CHN2: variants seen among roughly 807,000 people sequenced by gnomAD.
CHN2 encodes beta-chimaerin.
In CHN2, 35 loss-of-function variants were observed where a neutral mutation model predicts 56.3. The ratio of observed to expected loss-of-function variants is 0.62; its 90% CI spans 0.47 to 0.82. The LOEUF is 0.82. CHN2 is among the 40% of genes least tolerant of loss of function. The probability of loss-of-function intolerance (pLI) is 0.00; values close to 1 mark genes in which losing one functional copy is unlikely to be tolerated. For synonymous variants in CHN2, 210 were observed against 212.8 expected, an observed-to-expected ratio of 0.99 and a Z score of 0.12; for missense variants, 491 against 580.5, an observed-to-expected ratio of 0.85 and a Z score of 1.58.
At chr7:29,204,053 G>A (rs1315857156) in intron 1 of CHN2, among the ~76,000 whole-genome samples, 5 of 144,650 alleles carry the variant, frequency 3.5e-5, no homozygotes, top group South Asian at 2.2e-4. Context: ...CAAAGCACAC[G>A]TTTTTCTCTC....
At chr7:29,311,476 C>T (rs1794600726) in intron 1 of CHN2, among the ~76,000 whole-genome samples, 1 of 152,218 alleles carries the variant, frequency 6.6e-6, no homozygotes, top group Non-Finnish European at 1.5e-5. Flanking sequence ...GGCTGTATCC[C>T]TGTGAGGATC....
chr7:29,498,177 A>C (rs1299141778), intron 8 of CHN2, among the ~76,000 whole-genome samples: 2 of 152,200 alleles, frequency 1.3e-5, no homozygotes, highest in African/African-American at 2.4e-5. Context: ...TTTGCTATTT[A>C]TTTTATTTGA....
intron 6 of CHN2, among the ~76,000 whole-genome samples, chr7:29,402,252 G>C (rs1802282090): frequency 6.6e-6 from 1 of 152,194 alleles, no homozygotes; most frequent in Admixed American, 6.5e-5. Context: ...TTGAGCTTCA[G>C]ATCCTAGGAG....
chr7:29,474,603 C>T (rs1786434475), intron 6 of CHN2, among the ~76,000 whole-genome samples: 1 of 152,158 alleles, frequency 6.6e-6, no homozygotes. Flanking sequence ...GCTGCAACAG[C>T]AGGACAGTGT....
chr7:29,398,403 G>A lies in CHN2; in HGVS notation c.207G>A (p.Ala69=), dbSNP rs370619217. ...ATGGGATCATCTCTCGGGAGCAGGC[G>A]GATGAGCTTCTTGGAGGCGTGGAGG... ...EFHGIISREQ[A]DELLGGVEGA... Residue 69 remains alanine (A), a synonymous_variant, in exon 5 of 13, where the codon GCG becomes GCA. Coordinates refer to ENST00000222792, the MANE Select transcript of CHN2 (RefSeq NM_004067.4). 194 of 1,613,480 alleles carry A rather than the reference G, an allele frequency of 1.2e-4. No individual in the cohort carries two copies. The East Asian group carries it at 3.5e-3, about 29-fold the overall frequency.
At chr7:29,481,296 C>A (rs1490734286) in intron 7 of CHN2, among the ~76,000 whole-genome samples, 10 of 152,188 alleles carry the variant, frequency 6.6e-5, no homozygotes, top group South Asian at 2.1e-4. Flanking sequence ...TAAAAAAATT[C>A]TTGTTTCCTT....
At chr7:29,170,701 A>G (rs1796483747) in intron 2 of CHN2, among the ~76,000 whole-genome samples, 2 of 152,206 alleles carry the variant, frequency 1.3e-5, no homozygotes, top group African/African-American at 4.8e-5. Flanking sequence ...CTGTTTTCAC[A>G]CTGCTGATAA....
intron 7 of CHN2, among the ~76,000 whole-genome samples, chr7:29,488,733 A>G (rs969895353): frequency 4.0e-5 from 6 of 151,704 alleles, no homozygotes; most frequent in Admixed American, 6.6e-5. Flanking sequence ...GCCTACAGAT[A>G]TTTGTGATTT....
intron 1 of CHN2, among the ~76,000 whole-genome samples, chr7:29,256,802 G>A (rs1011641096): frequency 1.5e-4 from 23 of 152,064 alleles, no homozygotes; most frequent in African/African-American, 5.6e-4. Flanking sequence ...AGTATTTGAG[G>A]AGGAACCGAT....
intron 1 of CHN2, among the ~76,000 whole-genome samples, chr7:29,207,155 G>T (rs1282607518): frequency 6.6e-6 from 1 of 152,204 alleles, no homozygotes; most frequent in African/African-American, 2.4e-5. Context: ...CATAGAAATT[G>T]ATATTGTAAG....
chr7:29,163,752 G>A (rs1795518397), intron 2 of CHN2, among the ~76,000 whole-genome samples: 1 of 151,978 alleles, frequency 6.6e-6, no homozygotes, highest in Non-Finnish European at 1.5e-5. Flanking sequence ...CTATAGATTA[G>A]CTTGCATTTT....
chr7:29,330,042 ATCT>A (rs1011923624), intron 1 of CHN2, among the ~76,000 whole-genome samples: 3 of 152,168 alleles, frequency 2.0e-5, no homozygotes, highest in Non-Finnish European at 2.9e-5. Flanking sequence ...GGTAAGAATC[ATCT>A]TCTATATTTC....
intron 1 of CHN2, among the ~76,000 whole-genome samples, chr7:29,325,271 C>T (rs1795710432): frequency 6.6e-6 from 1 of 152,194 alleles, no homozygotes; most frequent in African/African-American, 2.4e-5. Flanking sequence ...TTTGATTTTC[C>T]TCTAAGCCCA....
chr7:29,205,303 A>G (rs1450083716), intron 1 of CHN2, among the ~76,000 whole-genome samples: 1 of 152,196 alleles, frequency 6.6e-6, no homozygotes, highest in South Asian at 2.1e-4. Flanking sequence ...TCATGAATTA[A>G]TGTGGGTTCA....
Position 29,369,650 on chromosome 7 carries a change from A to G in CHN2, c.144+1663A>G, listed in dbSNP as rs192572314. On this transcript the variant is annotated intron_variant, in intron 3 of 12. Coordinates refer to ENST00000222792, the MANE Select transcript of CHN2 (RefSeq NM_004067.4). ...TCGGTTTCTCAAAATCCTTGGAACC[A>G]TGTCAGTTGCCCTTAAGGCAGGTGG... 1.2e-3 allele frequency among the ~76,000 whole-genome samples: 180 copies of G among 152,346 alleles called. 1 individual carries two copies. The highest frequency in any genetic ancestry group is 5.1e-3 in the Admixed American group (78 of 15,300).
At chr7:29,426,921 G>T (rs898687494) in intron 6 of CHN2, among the ~76,000 whole-genome samples, 1 of 152,100 alleles carries the variant, frequency 6.6e-6, no homozygotes, top group South Asian at 2.1e-4. Flanking sequence ...TGGTCCCTCC[G>T]TCATCACGTC....
At chr7:29,346,375 G>T (rs1262084063) in intron 1 of CHN2, among the ~76,000 whole-genome samples, 1 of 152,200 alleles carries the variant, frequency 6.6e-6, no homozygotes, top group Non-Finnish European at 1.5e-5. Flanking sequence ...GGCCCATTAA[G>T]CTAATCACCC....
chr7:29,215,293 G>A (rs923741813), intron 1 of CHN2, among the ~76,000 whole-genome samples: 9 of 152,148 alleles, frequency 5.9e-5, no homozygotes, highest in South Asian at 2.1e-4. Context: ...ACAGCCCTTA[G>A]ACAGAAAAGA....
chr7:29,264,127 T>C (rs1267945047), intron 1 of CHN2, among the ~76,000 whole-genome samples: 1 of 144,914 alleles, frequency 6.9e-6, no homozygotes, highest in Non-Finnish European at 1.5e-5. Flanking sequence ...GAGGAGCCCC[T>C]CTGCCCGGCC....
Sources: gnomAD v4.1 joint callset for allele counts (sites outside exome capture counted in the v4.1 genomes callset) on GRCh38, gnomAD v4.1.1 for gene constraint, MANE v1.5 for transcripts, NCBI Gene and HGNC (gene_info 2026-07-23, HGNC 2026-07-21) for gene names.